Variants in ST8SIA4 observed in about 807,000 individuals in gnomAD.
ST8SIA4 encodes the protein ST8 alpha-N-acetyl-neuraminide alpha-2,8-sialyltransferase 4.
ST8SIA4 carries 15 observed loss-of-function variants against 33.9 expected under a neutral mutation model. The ratio of observed to expected loss-of-function variants is 0.44; its 90% confidence interval spans 0.30 to 0.68. The LOEUF (loss-of-function observed/expected upper bound fraction) is 0.68, where lower values mean the gene tolerates loss of function less well. ST8SIA4 is among the 30% of genes least tolerant of loss of function. The pLI is 0.10. For synonymous variants in ST8SIA4, 171 were observed against 151.2 expected, an observed-to-expected ratio of 1.13 and a Z score of -0.96; for missense variants, 321 against 428.0, an observed-to-expected ratio of 0.75 and a Z score of 2.21.
chr5:100,880,260 G>A (rs1752388000), intron 3 of ST8SIA4, among the ~76,000 whole-genome samples: 1 of 152,110 alleles, frequency 6.6e-6, no homozygotes. Context: ...GCATATTCTA[G>A]TTGTAAAGAT....
intron 4 of ST8SIA4, among the ~76,000 whole-genome samples, chr5:100,852,114 C>CTT (rs773074391): frequency 0.069 from 5,720 of 83,188 alleles, 818 homozygotes; most frequent in Non-Finnish European, 0.088. Flanking sequence ...CTCCACTCTT[C>CTT]TTTTTTTTTT....
chr5:100,829,907 CAA>C (rs773555217), intron 4 of ST8SIA4, among the ~76,000 whole-genome samples: 16 of 109,402 alleles, frequency 1.5e-4, no homozygotes, highest in Admixed American at 2.8e-4. Flanking sequence ...GACTCCGTCT[CAA>C]AAAAAAAAAA....
chr5:100,849,519 C>T (rs770637105), intron 4 of ST8SIA4: 95 of 931,442 alleles, frequency 1.0e-4, no homozygotes, highest in South Asian at 1.5e-4. Context: ...CGGTGGCTCA[C>T]GCCTGTAATC....
chr5:100,832,903 C>T (rs904910097), intron 4 of ST8SIA4, among the ~76,000 whole-genome samples: 1 of 152,266 alleles, frequency 6.6e-6, no homozygotes, highest in Middle Eastern at 3.4e-3. Context: ...CCAATCCACT[C>T]TTACAGGCCC....
At chr5:100,861,198 A>G (rs1323511670) in intron 3 of ST8SIA4, among the ~76,000 whole-genome samples, 1 of 152,148 alleles carries the variant, frequency 6.6e-6, no homozygotes, top group African/African-American at 2.4e-5. Context: ...ACACACACAC[A>G]CACACCACAT....
intron 4 of ST8SIA4, among the ~76,000 whole-genome samples, chr5:100,831,728 T>C (rs1343293953): frequency 1.3e-5 from 2 of 152,198 alleles, no homozygotes; most frequent in African/African-American, 4.8e-5. Context: ...TCAGGCCCAA[T>C]GCATAGAGCT....
intron 1 of ST8SIA4, among the ~76,000 whole-genome samples, chr5:100,899,072 G>A (rs529290877): frequency 6.6e-6 from 1 of 152,220 alleles, no homozygotes; most frequent in African/African-American, 2.4e-5. Flanking sequence ...TTTGCAGTAC[G>A]TAAGACATAT....
At chr5:100,833,695 A>T (rs1318607500) in intron 4 of ST8SIA4, among the ~76,000 whole-genome samples, 1 of 152,200 alleles carries the variant, frequency 6.6e-6, no homozygotes, top group Non-Finnish European at 1.5e-5. Context: ...TTATACAACA[A>T]AAAGGCCTCT....
rs1226051355 is a variant in ST8SIA4, at chr5:100,808,309, C to A, written c.*3538G>T. ...ATTGATATACAATTCATATGATATACAATACATGAACACATTTGAATGCCC... is the reference window on the plus strand; with the variant it reads ...ATTGATATACAATTCATATGATATAAAATACATGAACACATTTGAATGCCC... On this transcript the variant is annotated 3_prime_UTR_variant, in exon 5 of 5. Coordinates refer to ENST00000231461, the MANE Select transcript of ST8SIA4 (RefSeq NM_005668.6). The A allele has an allele frequency of 6.6e-6, 1 of 152,572 alleles. No individual in the cohort carries two copies. Among genetic ancestry groups the A allele is most frequent in the African/African-American group, 2.4e-5 (1 of 41,438 alleles). 9.5% of individuals were successfully genotyped at this position (152,572 alleles called of 1,614,324 possible).
rs1164710010 is a variant in ST8SIA4, at chr5:100,902,852, T to C, written c.104A>G (p.Gln35Arg). The C allele has an allele frequency of 6.2e-7, 1 of 1,613,658 alleles. No homozygotes were observed. Among genetic ancestry groups the C allele is most frequent in the Admixed American group, 1.7e-5 (1 of 60,032 alleles). ...IARTEEHQET[Q>R]LIGDGELSLS... ...GAAGCTTTGCATTTACCCGATGAGT[T>C]GCGTCTCCTGGTGCTCCTCAGTTCT... is the stretch of plus-strand genomic sequence containing the variant. The change falls in exon 1 of 5, where the codon CAA (glutamine) becomes CGA (arginine). Residue 35 changes from glutamine (Q) to arginine (R), a missense_variant. Physicochemically the swap from Gln to Arg is conservative, Grantham distance 43 (BLOSUM62 1). Coordinates refer to ENST00000231461, the MANE Select transcript of ST8SIA4 (RefSeq NM_005668.6).
chr5:100,882,805 A>T (rs1401898634), intron 3 of ST8SIA4, among the ~76,000 whole-genome samples: 1 of 152,234 alleles, frequency 6.6e-6, no homozygotes, highest in Admixed American at 6.5e-5. Flanking sequence ...TGCAGCTCCC[A>T]TAAGGTGTTG....
chr5:100,895,511 G>T, intron 2 of ST8SIA4, 143 bp downstream of exon 2: 2 of 738,176 alleles, frequency 2.7e-6, no homozygotes, highest in Non-Finnish European at 4.2e-6. Context: ...TCTTCAGTGA[G>T]CAACATTAAA....
intron 2 of ST8SIA4, among the ~76,000 whole-genome samples, chr5:100,895,291 A>G (rs1225717755): frequency 3.9e-5 from 6 of 152,106 alleles, no homozygotes; most frequent in African/African-American, 7.2e-5. Context: ...GCTAGTTGAG[A>G]AAACCCAAAA....
chr5:100,842,631 C>T (rs1751492472), intron 4 of ST8SIA4, among the ~76,000 whole-genome samples: 1 of 151,716 alleles, frequency 6.6e-6, no homozygotes, highest in Admixed American at 6.6e-5. Flanking sequence ...ATAAGGTTAG[C>T]TTGCCATATT....
chr5:100,819,267 A>G (rs1273030135), intron 4 of ST8SIA4, among the ~76,000 whole-genome samples: 1 of 152,240 alleles, frequency 6.6e-6, no homozygotes. Flanking sequence ...GTCGGGAGAC[A>G]GTTCAATGAT....
Position 100,809,452 on chromosome 5 carries a change from A to G in ST8SIA4, c.*2395T>C, listed in dbSNP as rs1750771440. 6.7e-6 allele frequency: 1 copy of G among 149,454 alleles called. No individual in the cohort carries two copies. Among genetic ancestry groups the G allele is most frequent in the African/African-American group, 2.5e-5 (1 of 40,002 alleles). 9.3% of individuals were successfully genotyped at this position (149,454 alleles called of 1,614,324 possible). ...GTGACAGAGTGAGACTCCATCTCAA[A>G]AAAAAAAAAAAAAGAAAAAAGAAAA... is the stretch of plus-strand genomic sequence containing the variant. On this transcript the variant is annotated 3_prime_UTR_variant, in exon 5 of 5. Transcript: ENST00000231461.
At position 100,836,995 on chromosome 5, in the gene ST8SIA4, AACACAC is replaced by A. The variant is rs143119843; in HGVS notation, c.797+19102_797+19107del. 7.1e-3 allele frequency among the ~76,000 whole-genome samples: 1,039 copies of A among 146,236 alleles called. 5 individuals carry two copies. The highest frequency in any genetic ancestry group is 0.015 in the East Asian group (76 of 4,980). On this transcript the variant is annotated intron_variant, in intron 4 of 4. Transcript: ENST00000231461. ...TAGGGAATTTTCTCATTAGTGCTAA[AACACAC>A]ACACACACACACACACACACACACA...
At position 100,811,984 on chromosome 5, in the gene ST8SIA4, G is replaced by C. The variant is rs1170492173; in HGVS notation, c.943C>G (p.His315Asp). 11 of 1,614,088 alleles carry C rather than the reference G, an allele frequency of 6.8e-6. No individual in the cohort carries two copies. Among genetic ancestry groups the C allele is most frequent in the Non-Finnish European group, 8.5e-6 (10 of 1,179,986 alleles). Reference protein sequence around the residue: ...KDLNGKAVKYHYYDDLKYRYF... With the variant: ...KDLNGKAVKYDYYDDLKYRYF... ...CTATATTTTAAGTCATCATAATAAT[G>C]ATATTTGACCGCTTTTCCATTTAAA... The change falls in exon 5 of 5, where the codon CAT becomes GAT. Residue 315 changes from histidine to aspartate, a missense_variant. Physicochemically the swap from His to Asp is moderately conservative, Grantham distance 81. Transcript: ENST00000231461.
chr5:100,896,244 T>TAC (rs1752777633), intron 1 of ST8SIA4, among the ~76,000 whole-genome samples: 1 of 152,106 alleles, frequency 6.6e-6, no homozygotes, highest in South Asian at 2.1e-4. Context: ...GTGGTATATA[T>TAC]ACCAATGGAG....
Sources: gnomAD v4.1 joint callset for allele counts (sites outside exome capture counted in the v4.1 genomes callset) on GRCh38, gnomAD v4.1.1 for gene constraint, MANE v1.5 for transcripts, NCBI Gene and HGNC (gene_info 2026-07-23, HGNC 2026-07-21) for gene names.